Variants in ZFAT observed in about 807,000 individuals in gnomAD.
The protein encoded by ZFAT is zinc finger protein ZFAT.
ZFAT carries 64 observed loss-of-function variants against 117.7 expected under a neutral mutation model. The observed-to-expected ratio is 0.54, with a 90% CI of 0.44 to 0.67. The LOEUF is 0.67. Ranked by LOEUF, ZFAT falls within the 30% of genes least tolerant of loss-of-function variation. ZFAT has a pLI of 0.00. For missense variants in ZFAT, 1,433 were observed against 1,584.5 expected, an observed-to-expected ratio of 0.90 and a Z score of 1.62; for synonymous variants, 679 against 615.0, an observed-to-expected ratio of 1.10 and a Z score of -1.54.
intron 3 of ZFAT, among the ~76,000 whole-genome samples, chr8:134,625,219 A>G (rs776181733): frequency 2.6e-5 from 4 of 152,260 alleles, no homozygotes; most frequent in Non-Finnish European, 5.9e-5. Flanking sequence ...GCTCTTCCCA[A>G]TAAAGAGAAA....
intron 11 of ZFAT, among the ~76,000 whole-genome samples, chr8:134,562,532 T>G (rs1824127739): frequency 6.6e-6 from 1 of 152,200 alleles, no homozygotes; most frequent in Non-Finnish European, 1.5e-5. Flanking sequence ...GATATGCATT[T>G]GATGAATACC....
At chr8:134,604,942 TAATTA>T (rs1446825862) in intron 5 of ZFAT, among the ~76,000 whole-genome samples, 1 of 152,246 alleles carries the variant, frequency 6.6e-6, no homozygotes, top group East Asian at 1.9e-4. Context: ...TTCATAACAT[TAATTA>T]AATAAATAAA....
At chr8:134,641,225 G>A (rs983179559) in intron 2 of ZFAT, among the ~76,000 whole-genome samples, 2 of 151,898 alleles carry the variant, frequency 1.3e-5, no homozygotes, top group African/African-American at 4.8e-5. Context: ...CTGCACATAT[G>A]CACACACAGA....
the ZFAT span, among the ~76,000 whole-genome samples, chr8:134,815,271 G>A: frequency 6.6e-6 from 1 of 152,112 alleles, no homozygotes; most frequent in Non-Finnish European, 1.5e-5. Flanking sequence ...ATCTATAATT[G>A]CATAACAAGT....
the ZFAT span, among the ~76,000 whole-genome samples, chr8:134,776,847 C>A: frequency 1.3e-5 from 2 of 152,162 alleles, no homozygotes; most frequent in African/African-American, 4.8e-5. Context: ...GGTATCTGCA[C>A]GTTCAGATAA....
At chr8:134,530,024 C>T (rs1821299801) in intron 12 of ZFAT, among the ~76,000 whole-genome samples, 1 of 152,216 alleles carries the variant, frequency 6.6e-6, no homozygotes, top group African/African-American at 2.4e-5. Context: ...CACTGAACCC[C>T]TCCCTGGAAT....
At chr8:134,556,891 T>C (rs374000448) in intron 11 of ZFAT, among the ~76,000 whole-genome samples, 3 of 152,118 alleles carry the variant, frequency 2.0e-5, no homozygotes, top group African/African-American at 7.2e-5. Context: ...GGTAAATGTA[T>C]ATTTACCCTT....
intron 1 of ZFAT, among the ~76,000 whole-genome samples, chr8:134,671,600 A>G (rs190859094): frequency 1.3e-5 from 2 of 152,228 alleles, no homozygotes; most frequent in African/African-American, 4.8e-5. Flanking sequence ...GATGGGACGT[A>G]TCTCAAAATA....
chr8:134,746,855 C>T, the ZFAT span, among the ~76,000 whole-genome samples: 2 of 152,184 alleles, frequency 1.3e-5, no homozygotes, highest in Admixed American at 6.5e-5. Context: ...CTAGAATCCA[C>T]GCTTTGTGAA....
intron 1 of ZFAT, among the ~76,000 whole-genome samples, chr8:134,697,585 G>C (rs934019530): frequency 3.0e-4 from 45 of 151,098 alleles, no homozygotes; most frequent in African/African-American, 1.1e-3. Context: ...AAATTAGCCG[G>C]GCGTGGTAGC....
chr8:134,712,651 C>G (rs1814051613), intron 1 of ZFAT, among the ~76,000 whole-genome samples, 194 bp downstream of exon 1: 1 of 148,468 alleles, frequency 6.7e-6, no homozygotes, highest in African/African-American at 2.5e-5. Flanking sequence ...GGCGGGATAC[C>G]CCAGCGACTG....
chr8:134,713,095 AC>A, upstream of ZFAT: 1 of 429,478 alleles, frequency 2.3e-6, no homozygotes, highest in South Asian at 6.9e-5. Flanking sequence ...GCTTCGGGTG[AC>A]CCTCCCCCGG....
chr8:134,751,351 A>G, the ZFAT span, among the ~76,000 whole-genome samples: 16 of 152,204 alleles, frequency 1.1e-4, no homozygotes, highest in Non-Finnish European at 2.1e-4. Context: ...TCAAGGACGA[A>G]GGTCCTCAGC....
chr8:134,786,594 C>G, the ZFAT span, among the ~76,000 whole-genome samples: 1 of 152,044 alleles, frequency 6.6e-6, no homozygotes, highest in East Asian at 1.9e-4. Flanking sequence ...AAATCATTCT[C>G]CCATATGGAA....
the ZFAT span, among the ~76,000 whole-genome samples, chr8:134,736,762 T>C: frequency 4.6e-5 from 7 of 152,040 alleles, no homozygotes. Flanking sequence ...TAATTTTTTT[T>C]ATTTCTAGAT....
intron 2 of ZFAT, among the ~76,000 whole-genome samples, chr8:134,655,301 C>A (rs1748943313): frequency 1.3e-5 from 2 of 152,186 alleles, no homozygotes; most frequent in Non-Finnish European, 2.9e-5. Context: ...CACTGACACT[C>A]ATAATTCTAT....
At chr8:134,574,974 TAGG>T (rs1175655451) in intron 10 of ZFAT, among the ~76,000 whole-genome samples, 1 of 151,800 alleles carries the variant, frequency 6.6e-6, no homozygotes, top group African/African-American at 2.4e-5. Flanking sequence ...GCCTTCCTAA[TAGG>T]AGAATATTTG....
At position 134,712,882 on chromosome 8, in the gene ZFAT, A is replaced by AG. The variant is rs772663241; in HGVS notation, c.-20dup. 1.8e-5 allele frequency: 24 copies of AG among 1,347,852 alleles called. No homozygotes were observed. In the East Asian group the frequency reaches 8.9e-4, roughly 50 times the overall value. The allele number at this position is 1,347,852 out of a possible 1,614,324, so 83.5% of individuals were successfully genotyped here. ...TCTCCATGGCAACGCCCCACCGCGG[A>AG]GGAAAAAAAAGCCTCGGGCTCTTCC... On this transcript the variant is annotated 5_prime_UTR_variant, in exon 1 of 16. Coordinates refer to ENST00000377838, the MANE Select transcript of ZFAT (RefSeq NM_020863.4).
chr8:134,678,938 T>C (rs1265063492), intron 1 of ZFAT, among the ~76,000 whole-genome samples: 1 of 151,998 alleles, frequency 6.6e-6, no homozygotes, highest in Non-Finnish European at 1.5e-5. Context: ...AAAAATTAAC[T>C]CAAGATAAAT....
Sources: allele counts gnomAD v4.1 joint callset (sites outside exome capture counted in the v4.1 genomes callset), GRCh38; gene constraint gnomAD v4.1.1; transcripts MANE v1.5; gene names NCBI Gene and HGNC (gene_info 2026-07-23, HGNC 2026-07-21).